The following GDPD1 variants were observed in gnomAD, a reference collection of about 807,000 sequenced individuals.
GDPD1 encodes the protein lysophospholipase D GDPD1.
Under a neutral mutation model 45.1 loss-of-function variants are expected in GDPD1, and 28 were observed. That is an observed-to-expected ratio of 0.62 (90% confidence interval 0.46 to 0.85). GDPD1 has a LOEUF of 0.85. Ranked by LOEUF, GDPD1 falls within the 40% of genes least tolerant of loss-of-function variation. The pLI is 0.00. For missense variants in GDPD1, 256 were observed against 364.8 expected (o/e 0.70, Z 2.43); for synonymous variants, 139 against 131.4 (o/e 1.06, Z -0.40).
In GDPD1 at chr17:59,273,815, C is replaced by T; in HGVS notation, c.*42C>T. The T allele has an allele frequency of 6.7e-7, 1 of 1,502,984 alleles. No homozygotes were observed. Among genetic ancestry groups the T allele is most frequent in the Middle Eastern group, 1.8e-4 (1 of 5,422 alleles). The allele number at this position is 1,502,984 out of a possible 1,614,324, so 93.1% of individuals were successfully genotyped here. A position where few individuals can be genotyped will look rare whatever the true frequency, so the allele number is the denominator to read the frequency against. ...AAGTATTGAAGGAAAAAATGAAGACCTAAGAAAAAAATATTTCATGATCAT... is the reference window on the plus strand; with the variant it reads ...AAGTATTGAAGGAAAAAATGAAGACTTAAGAAAAAAATATTTCATGATCAT... On this transcript the variant is annotated 3_prime_UTR_variant, in exon 10 of 10. Transcript: ENST00000284116.
chr17:59,232,365 G>T (rs961167259), intron 1 of GDPD1, among the ~76,000 whole-genome samples: 8 of 151,584 alleles, frequency 5.3e-5, no homozygotes, highest in Admixed American at 3.3e-4. Flanking sequence ...CAGGAGAATC[G>T]CTTGAACCTG....
In GDPD1 at chr17:59,273,133, C is replaced by CTT. The variant is rs71145547; in HGVS notation, c.822+308_822+309dup. On this transcript the variant is annotated intron_variant, in intron 9 of 9. Coordinates refer to ENST00000284116, the MANE Select transcript of GDPD1 (RefSeq NM_182569.4). ...TGTATATTTCTTTTTTTACTTTTTT[C>CTT]TTTTTTTTTTTTGAGATGGAGTCTC... 537 of 164,782 alleles carry CTT rather than the reference C, an allele frequency of 3.3e-3. 10 individuals are homozygous for CTT. The South Asian group carries it at 0.049, about 15-fold the overall frequency. The allele number at this position is 164,782 out of a possible 1,614,324, so 10.2% of individuals were successfully genotyped here. A position where few individuals can be genotyped will look rare whatever the true frequency, so the allele number is the denominator to read the frequency against.
intron 4 of GDPD1, among the ~76,000 whole-genome samples, chr17:59,250,799 A>G (rs1413898868): frequency 2.0e-5 from 3 of 152,062 alleles, no homozygotes; most frequent in East Asian, 1.9e-4. Flanking sequence ...TCCTGGGTTC[A>G]AGGGATTCTC....
chr17:59,248,713 T>A, intron 3 of GDPD1, 27 bp from the exon 4 acceptor site: 7 of 1,526,784 alleles, frequency 4.6e-6, no homozygotes. Context: ...GAGAGTTAAC[T>A]TTTTTTTCAA....
chr17:59,274,666 T>A lies in GDPD1; in HGVS notation c.*893T>A, dbSNP rs1396411471. Among the ~76,000 whole-genome samples the A allele has an allele frequency of 7.2e-6, 1 of 138,882 alleles. No individual in the cohort carries two copies. Among genetic ancestry groups the A allele is most frequent in the Admixed American group, 7.3e-5 (1 of 13,718 alleles). 91.1% of individuals were successfully genotyped at this position (138,882 alleles called of 152,430 possible). A position where few individuals can be genotyped will look rare whatever the true frequency, so the allele number is the denominator to read the frequency against. ...TGGTGGTGGGCACCTTAGTCCCAGC[T>A]ACTCGGGAGGCTGAGTCAGGAGAAT... On this transcript the variant is annotated 3_prime_UTR_variant, in exon 10 of 10. Coordinates refer to ENST00000284116, the MANE Select transcript of GDPD1 (RefSeq NM_182569.4).
At chr17:59,240,105 A>G (rs760569579) in intron 2 of GDPD1, among the ~76,000 whole-genome samples, 1 of 152,086 alleles carries the variant, frequency 6.6e-6, no homozygotes, top group Non-Finnish European at 1.5e-5. Flanking sequence ...AGCCTGTCCA[A>G]TGTGGTGAAA....
chr17:59,239,398 A>T (rs1452053334), intron 2 of GDPD1, among the ~76,000 whole-genome samples: 1 of 149,846 alleles, frequency 6.7e-6, no homozygotes, highest in Non-Finnish European at 1.5e-5. Flanking sequence ...TCTTTTTTGT[A>T]TTTTTTTTTG....
chr17:59,256,744 G>T (rs768081906), intron 4 of GDPD1, among the ~76,000 whole-genome samples: 8 of 152,106 alleles, frequency 5.3e-5, no homozygotes, highest in Non-Finnish European at 1.0e-4. Flanking sequence ...TCTGGGTAAA[G>T]GGTACATGGA....
intron 1 of GDPD1, among the ~76,000 whole-genome samples, chr17:59,231,643 C>T (rs1009264016): frequency 6.6e-6 from 1 of 151,542 alleles, no homozygotes; most frequent in Non-Finnish European, 1.5e-5. Flanking sequence ...TTTTATTGTG[C>T]AAGCAGTGAT....
At chr17:59,263,495 T>TTTTTTTTTTTG (rs57916337) in intron 6 of GDPD1, among the ~76,000 whole-genome samples, 2 of 145,844 alleles carry the variant, frequency 1.4e-5, no homozygotes, top group Non-Finnish European at 1.5e-5. Context: ...TTTTTTTTTT[T>TTTTTTTTTTTG]GAGACGGAGT....
chr17:59,224,653 C>CA (rs552226885), intron 1 of GDPD1, among the ~76,000 whole-genome samples: 2,057 of 140,512 alleles, frequency 0.015, 26 homozygotes, highest in Non-Finnish European at 0.02. Context: ...AAAACAAAAA[C>CA]AAAAAAAACT....
intron 6 of GDPD1, among the ~76,000 whole-genome samples, chr17:59,258,807 A>G (rs1374555099): frequency 6.6e-6 from 1 of 151,970 alleles, no homozygotes; most frequent in Admixed American, 6.6e-5. Context: ...AGGTAATTAA[A>G]TTTTTTGTGT....
chr17:59,238,942 T>C (rs2047155271), intron 2 of GDPD1, among the ~76,000 whole-genome samples: 1 of 152,264 alleles, frequency 6.6e-6, no homozygotes, highest in Non-Finnish European at 1.5e-5. Flanking sequence ...TATACACATA[T>C]ACACAGAGCC....
intron 4 of GDPD1, among the ~76,000 whole-genome samples, chr17:59,254,872 A>G (rs1456289482): frequency 1.3e-5 from 2 of 152,142 alleles, no homozygotes; most frequent in Admixed American, 6.6e-5. Context: ...TCCGTTCAGC[A>G]AAGGATTTCA....
intron 2 of GDPD1, among the ~76,000 whole-genome samples, chr17:59,235,268 T>G (rs1012681270): frequency 8.5e-5 from 13 of 152,226 alleles, no homozygotes; most frequent in African/African-American, 2.9e-4. Context: ...CTTATATAAT[T>G]TTTGAGCCAA....
intron 4 of GDPD1, among the ~76,000 whole-genome samples, chr17:59,250,642 G>GA (rs72261988): frequency 1.3e-5 from 2 of 148,406 alleles, no homozygotes; most frequent in Non-Finnish European, 3.0e-5. Context: ...ATCCTTTGAG[G>GA]AAAAAAAAAG....
At chr17:59,247,832 G>A (rs2047224213) in intron 3 of GDPD1, among the ~76,000 whole-genome samples, 1 of 151,996 alleles carries the variant, frequency 6.6e-6, no homozygotes, top group Non-Finnish European at 1.5e-5. Context: ...GTTTCACCAT[G>A]TTGGTCAGGC....
intron 4 of GDPD1, among the ~76,000 whole-genome samples, chr17:59,251,283 C>T (rs1380506398): frequency 6.6e-6 from 1 of 152,086 alleles, no homozygotes; most frequent in East Asian, 1.9e-4. Flanking sequence ...CTTTGGGAGG[C>T]CGAGACAGGT....
chr17:59,236,024 T>A (rs1266607541), intron 2 of GDPD1, among the ~76,000 whole-genome samples: 2 of 152,134 alleles, frequency 1.3e-5, no homozygotes, highest in East Asian at 1.9e-4. Context: ...CTGAGGTAGG[T>A]CATACATATA....
Sources: gnomAD v4.1 joint callset for allele counts (sites outside exome capture counted in the v4.1 genomes callset) on GRCh38, gnomAD v4.1.1 for gene constraint, MANE v1.5 for transcripts, NCBI Gene and HGNC (gene_info 2026-07-23, HGNC 2026-07-21) for gene names.